IL17RC: variants seen among roughly 807,000 people sequenced by gnomAD.
IL17RC encodes the protein interleukin 17 receptor C.
A neutral mutation model predicts 86.7 loss-of-function variants in IL17RC; 53 were observed. The observed-to-expected ratio is 0.61, with a 90% CI of 0.49 to 0.77. The LOEUF is 0.77. IL17RC is among the 30% of genes least tolerant of loss of function. The probability of loss-of-function intolerance (pLI) is 0.00; values close to 1 mark genes in which losing one functional copy is unlikely to be tolerated. For synonymous variants in IL17RC, 439 were observed against 413.1 expected (o/e 1.06, Z -0.76); for missense variants, 957 against 940.0 (o/e 1.02, Z -0.24).
In IL17RC at chr3:9,930,284, G is replaced by T; in HGVS notation, c.1279-116G>T. On this transcript the variant is annotated intron_variant, in intron 14 of 18. Coordinates refer to ENST00000403601, the MANE Select transcript of IL17RC (RefSeq NM_153460.4). The surrounding 1 kb of genome is among the most constrained non-coding windows in gnomAD (Gnocchi z 5.8). ...ACTCAGACCAGGGCCATATTCAGCG[G>T]CATCACCAAAGTCTCCCAGTCCCCT... 6.6e-7 allele frequency: 1 copy of T among 1,521,862 alleles called. No individual in the cohort carries two copies. Among genetic ancestry groups the T allele is most frequent in the Non-Finnish European group, 9.1e-7 (1 of 1,104,866 alleles). The allele number at this position is 1,521,862 out of a possible 1,614,324, so 94.3% of individuals were successfully genotyped here. A position where few individuals can be genotyped will look rare whatever the true frequency, so the allele number is the denominator to read the frequency against.
intron 16 of IL17RC, among the ~76,000 whole-genome samples, chr3:9,931,470 C>CACACACATAT (rs750351615): frequency 2.7e-3 from 116 of 43,690 alleles, no homozygotes; most frequent in Non-Finnish European, 4.6e-3. Flanking sequence ...CACACACACA[C>CACACACATAT]ATATATATAT....
intron 10 of IL17RC, 38 bp from the exon 11 acceptor site, chr3:9,928,267 G>C (rs1158001354): frequency 6.2e-6 from 10 of 1,613,840 alleles, no homozygotes; most frequent in South Asian, 1.1e-5. Context: ...GCGAGCGATG[G>C]GTACCTGGCC....
intron 4 of IL17RC, 33 bp from the exon 5 acceptor site, chr3:9,918,467 G>A: frequency 6.2e-7 from 1 of 1,610,186 alleles, no homozygotes; most frequent in African/African-American, 1.3e-5. Flanking sequence ...TGCCGCTCCT[G>A]GGCCTGACTG....
rs768584698 is a variant in IL17RC at position 9,929,837 on chromosome 3, G to T, written c.1111-15G>T. On this transcript the variant is annotated splice_polypyrimidine_tract_variant and intron_variant, in intron 12 of 18. Transcript: ENST00000403601. ...GCTTTTCTTAGTGGCCCTAACCATG[G>T]TCTCTTCCCAGCAGGTGAACAGCTC... 2.0e-5 allele frequency: 32 copies of T among 1,613,928 alleles called. No homozygotes were observed. The highest frequency in any genetic ancestry group is 2.7e-5 in the Non-Finnish European group (32 of 1,179,972).
chr3:9,921,836 A>G (rs2083592829), intron 7 of IL17RC, among the ~76,000 whole-genome samples: 1 of 150,294 alleles, frequency 6.7e-6, no homozygotes, highest in African/African-American at 2.5e-5. Context: ...CGTGTTAGCC[A>G]GGATGGTCTT....
chr3:9,917,173 C>G lies in IL17RC; in HGVS notation c.-143C>G, dbSNP rs2083146378. 1 of 644,848 alleles carries G rather than the reference C, an allele frequency of 1.6e-6. No homozygotes were observed. The highest frequency in any genetic ancestry group is 1.9e-5 in the South Asian group (1 of 51,624). 39.9% of individuals were successfully genotyped at this position (644,848 alleles called of 1,614,324 possible). A position where few individuals can be genotyped will look rare whatever the true frequency, so the allele number is the denominator to read the frequency against. ...GACAGAGAGTGCACAAACTACCCAGCACAGCCCCCTCCGCCCCCTCTGGAG... is the reference window on the plus strand; with the variant it reads ...GACAGAGAGTGCACAAACTACCCAGGACAGCCCCCTCCGCCCCCTCTGGAG... On this transcript the variant is annotated 5_prime_UTR_variant, in exon 1 of 19. Coordinates refer to ENST00000403601, the MANE Select transcript of IL17RC (RefSeq NM_153460.4).
chr3:9,918,204 A>G (rs1274369020), intron 3 of IL17RC, 129 bp downstream of exon 3: 6 of 1,306,858 alleles, frequency 4.6e-6, no homozygotes, highest in Non-Finnish European at 5.3e-6. Context: ...CAGCAGAAGG[A>G]CCCCCAGGCC....
intron 7 of IL17RC, among the ~76,000 whole-genome samples, chr3:9,923,367 C>T (rs1396671831): frequency 6.6e-6 from 1 of 151,714 alleles, no homozygotes; most frequent in East Asian, 1.9e-4. Context: ...GCCTGGCCAA[C>T]ATGAGCGAAA....
At position 9,930,046 on chromosome 3, in the gene IL17RC, A is replaced by G; in HGVS notation, c.1175A>G (p.Lys392Arg). 6.2e-7 allele frequency: 1 copy of G among 1,614,050 alleles called. No homozygotes were observed. The highest frequency in any genetic ancestry group is 1.3e-5 in the African/African-American group (1 of 75,000). The change falls in exon 14 of 19, where the codon AAA (lysine) becomes AGA (arginine). Residue 392 changes from lysine to arginine, a missense_variant. By Grantham distance (26) the Lys-to-Arg change is conservative. Coordinates refer to ENST00000403601, the MANE Select transcript of IL17RC (RefSeq NM_153460.4). The surrounding 1 kb of genome is among the most constrained non-coding windows in gnomAD (Gnocchi z 5.8). ...CLWADSLGPL[K>R]DDVLLLETRG... Reference sequence around the variant, plus strand: ...CTTCCAGACTCCCTGGGGCCTCTCAAAGACGATGTGCTACTGTTGGAGACA... The same window carrying G: ...CTTCCAGACTCCCTGGGGCCTCTCAGAGACGATGTGCTACTGTTGGAGACA...
rs202200991 is a variant in IL17RC, at chr3:9,928,189, C to A, written c.846C>A (p.Ser282=). The stretch of plus-strand genomic sequence containing the variant: ...AGGTGTGGCCTCTGGAACCTGACTC[C>A]GTTAGGACGAACATCTGCCCCTTCA... ...CIQVWPLEPD[S]VRTNICPFRE... Residue 282 remains serine (S), a synonymous_variant, in exon 10 of 19, where the codon TCC becomes TCA. Transcript: ENST00000403601. 1.2e-6 allele frequency: 2 copies of A among 1,614,106 alleles called. No homozygotes were observed. Among genetic ancestry groups the A allele is most frequent in the Admixed American group, 1.7e-5 (1 of 60,018 alleles).
chr3:9,932,511 T>G, intron 16 of IL17RC, 97 bp from the exon 17 acceptor site: 4 of 1,133,272 alleles, frequency 3.5e-6, no homozygotes, highest in Non-Finnish European at 2.7e-6. Flanking sequence ...TATAAAGGCA[T>G]GAGCCACCGC....
In IL17RC at chr3:9,932,927, C is replaced by A. The variant is rs762081002; in HGVS notation, c.1523-26C>A. On this transcript the variant is annotated intron_variant, in intron 18 of 18. Transcript: ENST00000403601. ...CCAGGCCTGTGCCAGCTCACCTCTT[C>A]CCTCCCCATCTGTTTTCTCCGGCAG... 22 of 1,610,230 alleles carry A rather than the reference C, an allele frequency of 1.4e-5. No individual in the cohort carries two copies. The Admixed American group carries it at 3.5e-4, about 26-fold the overall frequency.
At chr3:9,928,731 C>T in intron 12 of IL17RC, 101 bp downstream of exon 12, 1 of 1,256,746 alleles carries the variant, frequency 8.0e-7, no homozygotes, top group Non-Finnish European at 1.1e-6. Context: ...TAGTGGTTGC[C>T]AGCTTCCTCT....
At chr3:9,928,045 G>T (rs1421261860) in intron 9 of IL17RC, 121 bp from the exon 10 acceptor site, 2 of 909,140 alleles carry the variant, frequency 2.2e-6, no homozygotes, top group Non-Finnish European at 3.5e-6. Flanking sequence ...TTTGTAAAAG[G>T]CAGGAAGACC....
chr3:9,921,624 C>CTTTTTTTTTTTTT, intron 7 of IL17RC, among the ~76,000 whole-genome samples: 1 of 135,706 alleles, frequency 7.4e-6, no homozygotes, highest in Non-Finnish European at 1.6e-5. Context: ...TACTGATTTT[C>CTTTTTTTTTTTTT]TTTTTTTTTT....
Position 9,930,271 on chromosome 3 carries a change from G to A in IL17RC, c.1278+122G>A. ...AACATGGGGGGTGACTCAGACCAGG[G>A]CCATATTCAGCGGCATCACCAAAGT... On this transcript the variant is annotated intron_variant, in intron 14 of 18. Coordinates refer to ENST00000403601, the MANE Select transcript of IL17RC (RefSeq NM_153460.4). This position sits in a 1 kb window ranked among gnomAD's most constrained non-coding sequence, Gnocchi z 5.8. 1 of 1,527,482 alleles carries A rather than the reference G, an allele frequency of 6.5e-7. No individual in the cohort carries two copies. Among genetic ancestry groups the A allele is most frequent in the Admixed American group, 1.7e-5 (1 of 58,372 alleles). The allele number at this position is 1,527,482 out of a possible 1,614,324, so 94.6% of individuals were successfully genotyped here.
intron 7 of IL17RC, 89 bp from the exon 8 acceptor site, chr3:9,923,792 G>A: frequency 7.0e-7 from 1 of 1,429,800 alleles, no homozygotes; most frequent in Middle Eastern, 2.5e-4. Context: ...TCCCAGTCTA[G>A]GGGGTTTGAA....
chr3:9,932,728 C>T (rs774327445), intron 17 of IL17RC, 25 bp downstream of exon 17: 1 of 1,612,502 alleles, frequency 6.2e-7, no homozygotes, highest in Admixed American at 1.7e-5. Context: ...GCTCCCCATT[C>T]CCCTGGGGGA....
chr3:9,924,077 G>T (rs2083838040), intron 8 of IL17RC, 57 bp downstream of exon 8: 3 of 1,611,110 alleles, frequency 1.9e-6, no homozygotes, highest in Middle Eastern at 1.6e-4. Context: ...CTGTGCAAAG[G>T]ACGCAGTGCC....
Sources: gnomAD v4.1 joint callset for allele counts (sites outside exome capture counted in the v4.1 genomes callset) on GRCh38, gnomAD v4.1.1 for gene constraint, Gnocchi (gnomAD v3.1) non-coding constraint, MANE v1.5 for transcripts, NCBI Gene and HGNC (gene_info 2026-07-23, HGNC 2026-07-21) for gene names.